Variants in NRL observed in about 807,000 individuals in gnomAD.
NRL encodes neural retina leucine zipper, also known as neural retina-specific leucine zipper protein.
In NRL, 16 loss-of-function variants were observed where a neutral mutation model predicts 12.5. The observed-to-expected ratio is 1.28, with a 90% confidence interval of 0.87 to 1.95. The LOEUF is 1.95. Ranked by LOEUF, NRL falls within the 30% of genes most tolerant of loss-of-function variation. NRL has a pLI of 0.00. For missense variants in NRL, 314 were observed against 325.8 expected, an observed-to-expected ratio of 0.96 and a Z score of 0.28; for synonymous variants, 142 against 150.9, an observed-to-expected ratio of 0.94 and a Z score of 0.43.
At chr14:24,100,408 G>A in intron 1 of NRL, 1 of 1,261,260 alleles carries the variant, frequency 7.9e-7, no homozygotes, top group Non-Finnish European at 1.1e-6. Context: ...TTGTGATCTG[G>A]CTAAGTTGCT....
At chr14:24,096,029 AC>A (rs933764046) in intron 1 of NRL, among the ~76,000 whole-genome samples, 1 of 152,118 alleles carries the variant, frequency 6.6e-6, no homozygotes, top group East Asian at 1.9e-4. Context: ...AAAGACTGTG[AC>A]CTTTGCTTGG....
chr14:24,088,652 C>CT (rs549787856), intron 1 of NRL, among the ~76,000 whole-genome samples: 2,859 of 137,664 alleles, frequency 0.021, 34 homozygotes, highest in African/African-American at 0.035. Context: ...CTGAATTATA[C>CT]TTTTTTTTTT....
At chr14:24,103,279 C>T (rs1485528425) in intron 1 of NRL, 1 of 1,577,816 alleles carries the variant, frequency 6.3e-7, no homozygotes, top group South Asian at 1.1e-5. Flanking sequence ...CCATTCCTCC[C>T]TCTCCTGTGT....
At chr14:24,106,756 T>C (rs2037345711) in intron 1 of NRL, among the ~76,000 whole-genome samples, 2 of 151,478 alleles carry the variant, frequency 1.3e-5, no homozygotes, top group African/African-American at 4.9e-5. Flanking sequence ...ATTTAAAAAT[T>C]TAAAAATAAT....
chr14:24,081,500 C>G lies in NRL; in HGVS notation c.450G>C (p.Arg150=), dbSNP rs750578845. The G allele has an allele frequency of 7.2e-5, 115 of 1,600,040 alleles. 1 individual carries two copies. In the East Asian group the frequency reaches 2.3e-3, roughly 33 times the overall value. The change falls in exon 3 of 3, where the codon CGG becomes CGC. Residue 150 remains arginine (R), a synonymous_variant. Coordinates refer to ENST00000561028, the MANE Select transcript of NRL (RefSeq NM_001354768.3). The surrounding 1 kb of genome is among the most constrained non-coding windows in gnomAD (Gnocchi z 4.4). ...MSVRELNRQL[R]GCGRDEALRL... Reference sequence around the variant, plus strand: ...GCAGCGCCTCGTCGCGCCCGCAGCCCCGCAGCTGCCGGTTTAGCTCCCGCA... The same window carrying G: ...GCAGCGCCTCGTCGCGCCCGCAGCCGCGCAGCTGCCGGTTTAGCTCCCGCA...
intron 1 of NRL, among the ~76,000 whole-genome samples, chr14:24,096,281 C>T (rs1341526795): frequency 3.2e-5 from 4 of 126,538 alleles, no homozygotes; most frequent in African/African-American, 9.0e-5. Flanking sequence ...CTCTGTCGCC[C>T]AGGTTGGAGT....
At chr14:24,114,665 C>T (rs557545991) in intron 1 of NRL, 57 bp downstream of exon 1, 1 of 985,640 alleles carries the variant, frequency 1.0e-6, no homozygotes, top group South Asian at 4.7e-5. Flanking sequence ...GCTAACAGCC[C>T]TCCTTGGGTG....
Position 24,081,762 on chromosome 14 carries a change from G to C in NRL, c.382-194C>G. The C allele has an allele frequency of 2.0e-6, 3 of 1,519,062 alleles. No individual in the cohort carries two copies. Among genetic ancestry groups the C allele is most frequent in the South Asian group, 1.2e-5 (1 of 81,796 alleles). 94.1% of individuals were successfully genotyped at this position (1,519,062 alleles called of 1,614,324 possible). The stretch of plus-strand genomic sequence containing the variant: ...GCCCCGACGCTCCCCGGGCCCCCCA[G>C]CTGACCGTTGCTCCAGTCAGGCGGG... On this transcript the variant is annotated intron_variant, in intron 2 of 2. Transcript: ENST00000561028. This position sits in a 1 kb window ranked among gnomAD's most constrained non-coding sequence, Gnocchi z 4.4.
rs1412662064 is a variant in NRL, at chr14:24,103,909, C to T, written c.-28+10813G>A. The T allele has an allele frequency of 1.9e-6, 3 of 1,614,032 alleles. No individual in the cohort carries two copies. The East Asian group carries it at 6.7e-5, about 36-fold the overall frequency. On this transcript the variant is annotated intron_variant, in intron 1 of 2. Coordinates refer to ENST00000561028, the MANE Select transcript of NRL (RefSeq NM_001354768.3). ...ACAGAGCAGGTCAACCAGGATCTGCCCAAAGAGGTGTTGGCTGAGCTTGAG... is the reference window on the plus strand; with the variant it reads ...ACAGAGCAGGTCAACCAGGATCTGCTCAAAGAGGTGTTGGCTGAGCTTGAG...
In NRL at chr14:24,099,833, C is replaced by T. The variant is rs767963201; in HGVS notation, c.-28+14889G>A. On this transcript the variant is annotated intron_variant, in intron 1 of 2. Transcript: ENST00000561028. Reference sequence around the variant, plus strand: ...TGAGAAAGTTTCCTGAACACCCAACCCTGCTCCATTCCTCTGGCAGCCCAG... The same window carrying T: ...TGAGAAAGTTTCCTGAACACCCAACTCTGCTCCATTCCTCTGGCAGCCCAG... 12 of 1,508,132 alleles carry T rather than the reference C, an allele frequency of 8.0e-6. No individual in the cohort carries two copies. The South Asian group carries it at 1.2e-4, about 16-fold the overall frequency. The allele number at this position is 1,508,132 out of a possible 1,614,324, so 93.4% of individuals were successfully genotyped here.
intron 1 of NRL, chr14:24,103,499 T>A: frequency 1.3e-6 from 2 of 1,535,118 alleles, no homozygotes; most frequent in South Asian, 2.6e-5. Flanking sequence ...CCCATCTTGC[T>A]TCCCCCCCAG....
chr14:24,097,171 T>G, intron 1 of NRL: 1 of 1,603,452 alleles, frequency 6.2e-7, no homozygotes, highest in Non-Finnish European at 8.5e-7. Context: ...GCAGGATAGG[T>G]GCACTGAGGC....
intron 1 of NRL, chr14:24,084,842 G>T: frequency 2.4e-6 from 1 of 420,388 alleles, no homozygotes; most frequent in Non-Finnish European, 3.2e-6. Flanking sequence ...CCTCACTGAT[G>T]ATCCGACTCC....
intron 1 of NRL, chr14:24,102,893 A>C (rs1247976663): frequency 1.2e-6 from 2 of 1,612,888 alleles, no homozygotes; most frequent in Non-Finnish European, 1.7e-6. Context: ...ACCCAAAGGT[A>C]AACAACATAT....
Position 24,108,228 on chromosome 14 carries a change from T to C in NRL, c.-28+6494A>G, listed in dbSNP as rs184504722. ...CGTTTTAAGACCACAATCTGGATGC[T>C]AGGAGTGTTCATTGATACTGGATTG... On this transcript the variant is annotated intron_variant, in intron 1 of 2. Coordinates refer to ENST00000561028, the MANE Select transcript of NRL (RefSeq NM_001354768.3). 4.9e-4 allele frequency among the ~76,000 whole-genome samples: 75 copies of C among 152,328 alleles called. No homozygotes were observed. The East Asian group carries it at 8.7e-3, about 18-fold the overall frequency.
chr14:24,092,283 T>A (rs1264924331), intron 1 of NRL, among the ~76,000 whole-genome samples: 2 of 152,196 alleles, frequency 1.3e-5, no homozygotes, highest in Non-Finnish European at 2.9e-5. Context: ...AGATAAGCCC[T>A]GAACTAAGGC....
chr14:24,082,751 C>T lies in NRL; in HGVS notation c.98G>A (p.Gly33Asp), dbSNP rs2036356734. The T allele has an allele frequency of 1.2e-6, 2 of 1,614,068 alleles. No homozygotes were observed. Among genetic ancestry groups the T allele is most frequent in the Non-Finnish European group, 1.7e-6 (2 of 1,180,036 alleles). The change falls in exon 2 of 3, where the codon GGC becomes GAC. Residue 33 changes from glycine to aspartate, a missense_variant. Transcript: ENST00000561028. ...VKREPSEGRPGPPTASLGSTP... is the reference protein window; with the variant it reads ...VKREPSEGRPDPPTASLGSTP... Reference sequence around the variant, plus strand: ...GGAGCCCAGTGAGGCTGTAGGGGGGCCAGGTCGGCCCTCAGAGGGTTCCCG... The same window carrying T: ...GGAGCCCAGTGAGGCTGTAGGGGGGTCAGGTCGGCCCTCAGAGGGTTCCCG...
In NRL at chr14:24,081,919, C is replaced by A. The variant is rs2036323805; in HGVS notation, c.382-351G>T. On this transcript the variant is annotated intron_variant, in intron 2 of 2. Transcript: ENST00000561028. This position sits in a 1 kb window ranked among gnomAD's most constrained non-coding sequence, Gnocchi z 4.4. ...CAGTGGACCCGCACCCAGACAGCCCCCAACCCTCCAACGCGCTGCGTTTCC... is the reference window on the plus strand; with the variant it reads ...CAGTGGACCCGCACCCAGACAGCCCACAACCCTCCAACGCGCTGCGTTTCC... The A allele has an allele frequency of 7.8e-7, 1 of 1,288,016 alleles. No homozygotes were observed. Among genetic ancestry groups the A allele is most frequent in the Non-Finnish European group, 9.9e-7 (1 of 1,008,342 alleles). The allele number at this position is 1,288,016 out of a possible 1,614,324, so 79.8% of individuals were successfully genotyped here.
chr14:24,103,196 A>G (rs1682114059), intron 1 of NRL: 2 of 1,614,128 alleles, frequency 1.2e-6, no homozygotes, highest in Non-Finnish European at 1.7e-6. Flanking sequence ...AACTGGCGTC[A>G]TGGGGTGTTT....
Sources: gnomAD v4.1 joint callset for allele counts (sites outside exome capture counted in the v4.1 genomes callset) on GRCh38, gnomAD v4.1.1 for gene constraint, Gnocchi (gnomAD v3.1) non-coding constraint, MANE v1.5 for transcripts, NCBI Gene and HGNC (gene_info 2026-07-23, HGNC 2026-07-21) for gene names.